Variants in NENF observed in about 807,000 individuals in gnomAD.
The protein encoded by NENF is neudesin.
In NENF, 6 loss-of-function variants were observed where a neutral mutation model predicts 14.8. That is an observed-to-expected ratio of 0.40 (90% CI 0.22 to 0.80). The LOEUF (loss-of-function observed/expected upper bound fraction) is 0.80, where lower values mean the gene tolerates loss of function less well. NENF is among the 30% of genes least tolerant of loss of function. NENF has a pLI of 0.34. For synonymous variants in NENF, 76 were observed against 95.1 expected (o/e 0.80, Z 1.17); for missense variants, 184 against 212.7 (o/e 0.87, Z 0.84).
intron 1 of NENF, among the ~76,000 whole-genome samples, chr1:212,435,895 A>T (rs1162985273): frequency 6.6e-6 from 1 of 152,198 alleles, no homozygotes; most frequent in African/African-American, 2.4e-5. Context: ...CCAAGAACAT[A>T]GTCGATTACC....
intron 1 of NENF, among the ~76,000 whole-genome samples, chr1:212,437,567 C>T (rs1304220154): frequency 6.6e-6 from 1 of 152,092 alleles, no homozygotes; most frequent in Non-Finnish European, 1.5e-5. Flanking sequence ...GCAGACCCGC[C>T]TCTATCAGTC....
At chr1:212,436,356 G>A (rs984607374) in intron 1 of NENF, among the ~76,000 whole-genome samples, 1 of 147,390 alleles carries the variant, frequency 6.8e-6, no homozygotes, top group Non-Finnish European at 1.5e-5. Context: ...TGTTTCCCAG[G>A]CTGGAGTGCA....
intron 1 of NENF, among the ~76,000 whole-genome samples, chr1:212,435,717 A>T (rs1662592859): frequency 6.6e-6 from 1 of 151,050 alleles, no homozygotes; most frequent in African/African-American, 2.4e-5. Flanking sequence ...GCTATTTTTT[A>T]AATTTTCTGT....
chr1:212,432,972 T>TGCGGCC lies in NENF; in HGVS notation c.32_37dup (p.Arg11_Pro12dup), dbSNP rs1464212249. 46 of 1,051,724 alleles carry TGCGGCC rather than the reference T, an allele frequency of 4.4e-5. No individual in the cohort carries two copies. Among genetic ancestry groups the TGCGGCC allele is most frequent in the Non-Finnish European group, 5.3e-5 (45 of 855,512 alleles). 65.1% of individuals were successfully genotyped at this position (1,051,724 alleles called of 1,614,324 possible). A position where few individuals can be genotyped will look rare whatever the true frequency, so the allele number is the denominator to read the frequency against. ...GTGGGCCCCGCGCCGCGGCGGCGGCTGCGGCCGCTGGCAGCGCTGGCCCTG... is the reference window on the plus strand; with the variant it reads ...GTGGGCCCCGCGCCGCGGCGGCGGCTGCGGCCGCGGCCGCTGGCAGCGCTGGCCCTG... On this transcript the variant is annotated inframe_insertion, in exon 1 of 4. Transcript: ENST00000366988.
chr1:212,436,507 A>G (rs1385351543), intron 1 of NENF, among the ~76,000 whole-genome samples: 1 of 151,948 alleles, frequency 6.6e-6, no homozygotes, highest in Non-Finnish European at 1.5e-5. Flanking sequence ...ACAGGGTTTC[A>G]CCATCTTGGC....
At chr1:212,441,365 A>G (rs1662696022) in intron 1 of NENF, among the ~76,000 whole-genome samples, 1 of 152,248 alleles carries the variant, frequency 6.6e-6, no homozygotes, top group South Asian at 2.1e-4. Flanking sequence ...TCACCAAATT[A>G]GAAAGTAATT....
At position 212,446,203 on chromosome 1, in the gene NENF, C is replaced by A. The variant is rs1165753029; in HGVS notation, c.*197C>A. The A allele has an allele frequency of 1.7e-6, 1 of 575,446 alleles. No homozygotes were observed. Among genetic ancestry groups the A allele is most frequent in the Non-Finnish European group, 3.1e-6 (1 of 325,890 alleles). 35.6% of individuals were successfully genotyped at this position (575,446 alleles called of 1,614,324 possible). On this transcript the variant is annotated 3_prime_UTR_variant, in exon 4 of 4. Coordinates refer to ENST00000366988, the MANE Select transcript of NENF (RefSeq NM_013349.5). ...CTACCTGGGGACCCCTGTCTGCACA[C>A]CAGGGATCAATAAGAGCCAAAGTGG...
intron 3 of NENF, among the ~76,000 whole-genome samples, chr1:212,445,528 G>C (rs1395912312): frequency 6.6e-6 from 1 of 152,140 alleles, no homozygotes; most frequent in Non-Finnish European, 1.5e-5. Flanking sequence ...GGAGGAAGGG[G>C]ATGCAGATGC....
At chr1:212,439,467 G>A (rs1038187582) in intron 1 of NENF, among the ~76,000 whole-genome samples, 22 of 151,754 alleles carry the variant, frequency 1.4e-4, no homozygotes, top group African/African-American at 3.6e-4. Context: ...GCTTGAACCC[G>A]GGAGGCGGAG....
In NENF at chr1:212,433,307, A is replaced by T. The variant is rs1662551128; in HGVS notation, c.177+187A>T. 6.6e-6 allele frequency among the ~76,000 whole-genome samples: 1 copy of T among 151,968 alleles called. No homozygotes were observed. Among genetic ancestry groups the T allele is most frequent in the South Asian group, 2.1e-4 (1 of 4,828 alleles). On this transcript the variant is annotated intron_variant, in intron 1 of 3. Transcript: ENST00000366988. This position sits in a 1 kb window ranked among gnomAD's most constrained non-coding sequence, Gnocchi z 5.5. ...GAAGGATGGCCGAGGGGTGAGGACG[A>T]GTCCTCAACAGTCGGAGCGCTCCGC...
At chr1:212,438,663 A>G (rs1662646882) in intron 1 of NENF, among the ~76,000 whole-genome samples, 1 of 149,810 alleles carries the variant, frequency 6.7e-6, no homozygotes, top group Admixed American at 6.7e-5. Context: ...TCTGTCATCA[A>G]AGCTGGAGTG....
intron 3 of NENF, 51 bp downstream of exon 3, chr1:212,444,493 C>G (rs1273312728): frequency 8.5e-7 from 1 of 1,171,850 alleles, no homozygotes; most frequent in Non-Finnish European, 1.2e-6. Flanking sequence ...TTGTCCATGC[C>G]TTTTTCTCTT....
chr1:212,444,275 G>A (rs755952367), intron 2 of NENF, 64 bp from the exon 3 acceptor site: 5 of 1,141,200 alleles, frequency 4.4e-6, no homozygotes, highest in Non-Finnish European at 6.1e-6. Context: ...GCCCCCACGT[G>A]CAAGCTCCTG....
At chr1:212,445,497 G>A (rs1662764139) in intron 3 of NENF, among the ~76,000 whole-genome samples, 1 of 151,278 alleles carries the variant, frequency 6.6e-6, no homozygotes, top group Admixed American at 6.6e-5. Context: ...GCAGTGTAGA[G>A]AGAGGGAGGA....
At chr1:212,443,797 G>A (rs1238350069) in intron 2 of NENF, among the ~76,000 whole-genome samples, 2 of 151,836 alleles carry the variant, frequency 1.3e-5, no homozygotes, top group Admixed American at 6.6e-5. Context: ...TAATCCCAGC[G>A]CTTTAGGAGG....
At chr1:212,444,513 CTTTTCGTGT>C (rs1195696425) in intron 3 of NENF, 71 bp downstream of exon 3, 3 of 949,430 alleles carry the variant, frequency 3.2e-6, no homozygotes, top group Non-Finnish European at 4.6e-6. Flanking sequence ...TTTTCTTTTT[CTTTTCGTGT>C]GTGTGTGTGT....
At chr1:212,439,570 G>A (rs971500683) in intron 1 of NENF, among the ~76,000 whole-genome samples, 3 of 150,738 alleles carry the variant, frequency 2.0e-5, no homozygotes, top group Non-Finnish European at 1.5e-5. Flanking sequence ...TTTGCCGGGC[G>A]TGTTGCCTCA....
chr1:212,439,320 G>T (rs867244900), intron 1 of NENF, among the ~76,000 whole-genome samples: 2 of 151,140 alleles, frequency 1.3e-5, no homozygotes, highest in Admixed American at 6.6e-5. Context: ...ATCACCTCAC[G>T]TTGGGAGTTC....
chr1:212,443,302 T>C (rs1195725423), intron 2 of NENF, among the ~76,000 whole-genome samples: 1 of 152,218 alleles, frequency 6.6e-6, no homozygotes, highest in Non-Finnish European at 1.5e-5. Flanking sequence ...ATCTTGGAGA[T>C]AGTTTTGTAT....
Sources: allele counts gnomAD v4.1 joint callset (sites outside exome capture counted in the v4.1 genomes callset), GRCh38; gene constraint gnomAD v4.1.1; non-coding constraint Gnocchi (gnomAD v3.1); transcripts MANE v1.5; gene names NCBI Gene and HGNC (gene_info 2026-07-23, HGNC 2026-07-21).